Variants in KDM2B observed in about 807,000 individuals in gnomAD.
The protein encoded by KDM2B is lysine demethylase 2B.
Under a neutral mutation model 150.0 loss-of-function variants are expected in KDM2B, and 26 were observed. The ratio of observed to expected loss-of-function variants is 0.17; its 90% CI spans 0.13 to 0.24. The LOEUF is 0.24. Ranked by LOEUF, KDM2B falls within the 10% of genes least tolerant of loss-of-function variation. KDM2B has a pLI of 1.00. For missense variants in KDM2B, 1,265 were observed against 1,816.9 expected, an observed-to-expected ratio of 0.70 and a Z score of 5.52; for synonymous variants, 734 against 729.5, an observed-to-expected ratio of 1.01 and a Z score of -0.10.
intron 4 of KDM2B, among the ~76,000 whole-genome samples, chr12:121,558,494 C>T (rs1199578909): frequency 2.1e-5 from 3 of 146,222 alleles, no homozygotes; most frequent in Non-Finnish European, 4.4e-5. Context: ...CACTCTGTTG[C>T]CCAGGCTAGA....
the KDM2B span, chr12:121,416,430 T>G: frequency 9.8e-6 from 12 of 1,224,120 alleles, no homozygotes; most frequent in Admixed American, 1.1e-4. Context: ...CATTCTTGAT[T>G]GTAGGTTATT....
rs1210193784 is a variant in KDM2B, at chr12:121,439,846, C to A, written c.3829+11G>T. On this transcript the variant is annotated intron_variant, in intron 22 of 22. Coordinates refer to ENST00000377071, the MANE Select transcript of KDM2B (RefSeq NM_032590.5). Reference sequence around the variant, plus strand: ...AGTGTTAGGCAGACCCGATGGGGGCCCCTGACTCACCAGACAGGTTGATCT... The same window carrying A: ...AGTGTTAGGCAGACCCGATGGGGGCACCTGACTCACCAGACAGGTTGATCT... The A allele has an allele frequency of 6.2e-6, 10 of 1,611,214 alleles. No homozygotes were observed. Among genetic ancestry groups the A allele is most frequent in the Non-Finnish European group, 8.5e-6 (10 of 1,177,526 alleles).
chr12:121,526,278 A>G (rs968147991), intron 8 of KDM2B, among the ~76,000 whole-genome samples: 1 of 152,082 alleles, frequency 6.6e-6, no homozygotes, highest in Non-Finnish European at 1.5e-5. Flanking sequence ...ACTTGAACCC[A>G]GGAGGTAAAA....
At chr12:121,536,865 G>A (rs1555308825) in intron 6 of KDM2B, among the ~76,000 whole-genome samples, 1 of 152,064 alleles carries the variant, frequency 6.6e-6, no homozygotes. Context: ...CGGGCCCCAG[G>A]GCTGCCTGGC....
intron 4 of KDM2B, among the ~76,000 whole-genome samples, chr12:121,571,193 G>A (rs1566431845): frequency 1.3e-5 from 2 of 152,198 alleles, no homozygotes; most frequent in Non-Finnish European, 1.5e-5. Context: ...AGCGATGGGG[G>A]AATTGATACA....
chr12:121,547,573 GC>G (rs1328330868), intron 6 of KDM2B, among the ~76,000 whole-genome samples: 2 of 151,814 alleles, frequency 1.3e-5, no homozygotes, highest in African/African-American at 4.8e-5. Flanking sequence ...GATTCAGGCC[GC>G]CAGCGCCAAC....
chr12:121,479,814 G>C lies in KDM2B; in HGVS notation c.1734+14765C>G, dbSNP rs139771445. ...TTTTTGTATTTTTAGTAGAGACAGG[G>C]TTTCACCATGTTGGCCAAGCTGGTC... On this transcript the variant is annotated intron_variant, in intron 12 of 22. Coordinates refer to ENST00000377071, the MANE Select transcript of KDM2B (RefSeq NM_032590.5). Among the ~76,000 whole-genome samples the C allele has an allele frequency of 7.1e-3, 1,081 of 151,944 alleles. 15 individuals carry two copies. The highest frequency in any genetic ancestry group is 0.025 in the African/African-American group (1,029 of 41,446).
intron 4 of KDM2B, among the ~76,000 whole-genome samples, chr12:121,552,961 G>A (rs574284037): frequency 7.2e-5 from 11 of 152,094 alleles, no homozygotes; most frequent in South Asian, 4.2e-4. Context: ...AGCCGGGCAC[G>A]GTGGCTCACG....
chr12:121,554,199 C>G (rs1393228158), intron 4 of KDM2B, among the ~76,000 whole-genome samples: 1 of 151,678 alleles, frequency 6.6e-6, no homozygotes, highest in Non-Finnish European at 1.5e-5. Flanking sequence ...GATCGTGCCA[C>G]TGCACTCCAG....
At chr12:121,507,017 A>T (rs1172056088) in intron 11 of KDM2B, among the ~76,000 whole-genome samples, 22 of 151,830 alleles carry the variant, frequency 1.4e-4, no homozygotes, top group African/African-American at 5.3e-4. Context: ...GAATGGTGTG[A>T]ACCCGGGAGG....
At chr12:121,456,403 C>T (rs1246573006) in intron 12 of KDM2B, among the ~76,000 whole-genome samples, 7 of 152,178 alleles carry the variant, frequency 4.6e-5, no homozygotes, top group Non-Finnish European at 1.0e-4. Flanking sequence ...TCTACCCCTC[C>T]AAACGACAGG....
chr12:121,554,473 C>T (rs1555312389), intron 4 of KDM2B, among the ~76,000 whole-genome samples: 1 of 151,846 alleles, frequency 6.6e-6, no homozygotes, highest in East Asian at 1.9e-4. Flanking sequence ...GGCGATGGCG[C>T]GATCTCGGCT....
chr12:121,416,204 G>A, the KDM2B span: 37 of 1,614,144 alleles, frequency 2.3e-5, no homozygotes, highest in Non-Finnish European at 3.1e-5. Flanking sequence ...GCTGCTGAAT[G>A]AAGTCATGGG....
the KDM2B span, chr12:121,418,056 T>C: frequency 1.2e-6 from 1 of 864,880 alleles, no homozygotes. Flanking sequence ...AACTCTGCAC[T>C]TAAAGGCTGT....
intron 8 of KDM2B, among the ~76,000 whole-genome samples, chr12:121,531,723 G>A (rs1887673710): frequency 6.6e-6 from 1 of 152,122 alleles, no homozygotes; most frequent in Admixed American, 6.6e-5. Flanking sequence ...CTCACCTGAT[G>A]TGGTTTCCAG....
At chr12:121,581,046 C>T, upstream of KDM2B, 1 of 1,192,862 alleles carries the variant, frequency 8.4e-7, no homozygotes, top group Non-Finnish European at 1.1e-6. Flanking sequence ...CAGACCAGAG[C>T]CTTTGCAGTC....
intron 4 of KDM2B, among the ~76,000 whole-genome samples, chr12:121,550,184 C>T (rs1555311592): frequency 6.6e-6 from 1 of 152,050 alleles, no homozygotes; most frequent in Non-Finnish European, 1.5e-5. Flanking sequence ...GTGGCTCACG[C>T]CTATAGTGCC....
At chr12:121,534,850 C>A (rs1189726825) in intron 6 of KDM2B, among the ~76,000 whole-genome samples, 2 of 152,254 alleles carry the variant, frequency 1.3e-5, no homozygotes, top group Admixed American at 1.3e-4. Flanking sequence ...CAGGTTCTTG[C>A]GAGAAGTGGC....
At chr12:121,443,227 T>G (rs568325622) in intron 17 of KDM2B, 197 bp from the exon 18 acceptor site, 96 of 618,814 alleles carry the variant, frequency 1.6e-4, no homozygotes, top group Non-Finnish European at 2.4e-4. Context: ...AAGCTGGAAG[T>G]AGGAGTACAG....
Sources: allele counts gnomAD v4.1 joint callset (sites outside exome capture counted in the v4.1 genomes callset), GRCh38; gene constraint gnomAD v4.1.1; transcripts MANE v1.5; gene names NCBI Gene and HGNC (gene_info 2026-07-23, HGNC 2026-07-21).